Variants in TRIP12 observed in about 807,000 individuals in gnomAD.
TRIP12 encodes thyroid hormone receptor interactor 12.
A neutral mutation model predicts 244.2 loss-of-function variants in TRIP12; 25 were observed. The observed-to-expected ratio is 0.10, with a 90% CI of 0.07 to 0.14. The LOEUF is 0.14. Among genes scored for constraint, TRIP12 ranks in the 10% least tolerant of loss-of-function variants. The probability of loss-of-function intolerance (pLI) is 1.00; values close to 1 mark genes in which losing one functional copy is unlikely to be tolerated. For synonymous variants in TRIP12, 905 were observed against 873.1 expected (o/e 1.04, Z -0.64); for missense variants, 1,677 against 2,486.4 (o/e 0.67, Z 6.92).
At chr2:229,832,230 C>T (rs1484791844) in intron 6 of TRIP12, among the ~76,000 whole-genome samples, 1 of 152,200 alleles carries the variant, frequency 6.6e-6, no homozygotes, top group East Asian at 1.9e-4. Context: ...AGGCCAAATC[C>T]AGTCCACCAC....
chr2:229,862,143 G>A (rs1468997056), intron 2 of TRIP12, among the ~76,000 whole-genome samples: 1 of 152,004 alleles, frequency 6.6e-6, no homozygotes, highest in East Asian at 1.9e-4. Flanking sequence ...TGCAACCTCC[G>A]CCTCCCAGGA....
rs1358409545 is a variant in TRIP12 at position 229,859,398 on chromosome 2, G to C, written c.401C>G (p.Pro134Arg). Reference protein sequence around the residue: ...RTNSPSSAKKPKALQHTESPS... With the variant: ...RTNSPSSAKKRKALQHTESPS... ...AGATTCAGTATGCTGAAGTGCTTTT[G>C]GTTTTTTTGCAGAGCTAGGAGAATT... The change falls in exon 4 of 42, where the codon CCA becomes CGA. Residue 134 changes from proline (P) to arginine (R), a missense_variant. Physicochemically the swap from Pro to Arg is moderately radical, Grantham distance 103. Coordinates refer to ENST00000675903, the MANE Select transcript of TRIP12 (RefSeq NM_001348323.3). 6.2e-7 allele frequency: 1 copy of C among 1,614,108 alleles called. No homozygotes were observed.
At chr2:229,791,295 A>T (rs1330935964) in intron 29 of TRIP12, 44 bp from the exon 30 acceptor site, 14 of 1,609,056 alleles carry the variant, frequency 8.7e-6, no homozygotes, top group Admixed American at 3.4e-5. Context: ...AGATTTTGAA[A>T]CTGATACAAA....
intron 34 of TRIP12, among the ~76,000 whole-genome samples, chr2:229,779,404 A>C (rs943448614): frequency 4.6e-5 from 7 of 152,146 alleles, no homozygotes; most frequent in Non-Finnish European, 1.0e-4. Context: ...CCCAACAGTT[A>C]GTCTGTTCCT....
At chr2:229,895,893 A>C (rs1033686127) in intron 1 of TRIP12, among the ~76,000 whole-genome samples, 4 of 152,164 alleles carry the variant, frequency 2.6e-5, no homozygotes, top group Admixed American at 6.5e-5. Context: ...AGAGCTGTGC[A>C]GGAGGATCGC....
chr2:229,914,819 A>G (rs1379478088), intron 1 of TRIP12, among the ~76,000 whole-genome samples: 1 of 152,212 alleles, frequency 6.6e-6, no homozygotes, highest in Non-Finnish European at 1.5e-5. Flanking sequence ...AGGCTTATAA[A>G]TAGCCTTCAA....
chr2:229,769,177 C>A (rs1177588081), intron 40 of TRIP12, 54 bp downstream of exon 40: 4 of 1,509,744 alleles, frequency 2.6e-6, no homozygotes, highest in Non-Finnish European at 2.7e-6. Flanking sequence ...ACACACACAC[C>A]CCTCTCCACA....
chr2:229,915,665 A>C (rs902862494), intron 1 of TRIP12, among the ~76,000 whole-genome samples: 2 of 151,246 alleles, frequency 1.3e-5, no homozygotes, highest in African/African-American at 2.4e-5. Context: ...AAGAATTCAT[A>C]ATCAACTAAG....
At chr2:229,885,569 G>C (rs1364988828) in intron 1 of TRIP12, among the ~76,000 whole-genome samples, 2 of 152,196 alleles carry the variant, frequency 1.3e-5, no homozygotes, top group Non-Finnish European at 2.9e-5. Context: ...CCAGAACCAA[G>C]TGTGGTAAGG....
intron 23 of TRIP12, 122 bp downstream of exon 23, chr2:229,798,753 T>C: frequency 9.1e-7 from 1 of 1,099,164 alleles, no homozygotes; most frequent in Non-Finnish European, 1.3e-6. Context: ...ACTATGCTTT[T>C]AAGAACAAAT....
At chr2:229,899,522 G>C (rs2069982090) in intron 1 of TRIP12, among the ~76,000 whole-genome samples, 1 of 152,184 alleles carries the variant, frequency 6.6e-6, no homozygotes, top group Admixed American at 6.5e-5. Context: ...GGTGATACTG[G>C]AATCTTTGGT....
chr2:229,904,086 A>G (rs2071912340), intron 1 of TRIP12, among the ~76,000 whole-genome samples: 1 of 152,072 alleles, frequency 6.6e-6, no homozygotes, highest in South Asian at 2.1e-4. Flanking sequence ...ATGGCTTCAC[A>G]GATATGAGTA....
intron 4 of TRIP12, among the ~76,000 whole-genome samples, chr2:229,854,636 C>A (rs902503843): frequency 6.6e-6 from 1 of 152,198 alleles, no homozygotes; most frequent in Non-Finnish European, 1.5e-5. Context: ...AATATCATTA[C>A]CTGAACCCAG....
At chr2:229,823,420 T>C (rs1307187547) in intron 8 of TRIP12, among the ~76,000 whole-genome samples, 2 of 151,962 alleles carry the variant, frequency 1.3e-5, no homozygotes, top group African/African-American at 4.8e-5. Context: ...ACGCCTGTAG[T>C]CCCAGCATTT....
At chr2:229,815,746 T>C (rs1485040618) in intron 9 of TRIP12, among the ~76,000 whole-genome samples, 1 of 152,022 alleles carries the variant, frequency 6.6e-6, no homozygotes, top group African/African-American at 2.4e-5. Context: ...ACTTAAACTC[T>C]TGTGAACAAG....
At chr2:229,841,861 T>A (rs796588214) in intron 4 of TRIP12, among the ~76,000 whole-genome samples, 5 of 152,238 alleles carry the variant, frequency 3.3e-5, no homozygotes, top group African/African-American at 1.2e-4. Flanking sequence ...TCTTTACTCC[T>A]TTGTGGAAAA....
chr2:229,805,410 A>G (rs2045627622), intron 18 of TRIP12, among the ~76,000 whole-genome samples: 1 of 152,196 alleles, frequency 6.6e-6, no homozygotes, highest in Non-Finnish European at 1.5e-5. Flanking sequence ...GCAGGAAGGT[A>G]TAAAATACAA....
chr2:229,918,973 G>C (rs529689519), intron 1 of TRIP12, among the ~76,000 whole-genome samples: 53 of 152,288 alleles, frequency 3.5e-4, no homozygotes, highest in African/African-American at 1.3e-3. Flanking sequence ...GACCAGATAG[G>C]TTAAGTGACT....
At chr2:229,770,452 T>C (rs1430811313) in intron 39 of TRIP12, among the ~76,000 whole-genome samples, 4 of 152,180 alleles carry the variant, frequency 2.6e-5, no homozygotes, top group South Asian at 2.1e-4. Context: ...CAAATATAAC[T>C]GAGATTAAGA....
Sources: allele counts gnomAD v4.1 joint callset (sites outside exome capture counted in the v4.1 genomes callset), GRCh38; gene constraint gnomAD v4.1.1; transcripts MANE v1.5; gene names NCBI Gene and HGNC (gene_info 2026-07-23, HGNC 2026-07-21).